Variants in BNC2 observed in about 807,000 individuals in gnomAD.
The protein encoded by BNC2 is zinc finger protein basonuclin-2.
BNC2 carries 20 observed loss-of-function variants against 76.3 expected under a neutral mutation model. That is an observed-to-expected ratio of 0.26 (90% CI 0.18 to 0.38). BNC2 has a LOEUF of 0.38. Among genes scored for constraint, BNC2 ranks in the 10% least tolerant of loss-of-function variants. BNC2 has a pLI of 1.00. For synonymous variants in BNC2, 582 were observed against 514.8 expected (o/e 1.13, Z -1.77); for missense variants, 1,382 against 1,399.8 (o/e 0.99, Z 0.20).
intron 3 of BNC2, among the ~76,000 whole-genome samples, chr9:16,639,371 C>G (rs1443887247): frequency 6.6e-6 from 1 of 152,132 alleles, no homozygotes; most frequent in Admixed American, 6.5e-5. Flanking sequence ...AGAAGAAAAG[C>G]TCAGTGTCTG....
Position 16,418,698 on chromosome 9 carries a change from A to T in BNC2, c.*291T>A. 2.3e-5 allele frequency: 7 copies of T among 300,124 alleles called. No homozygotes were observed. The highest frequency in any genetic ancestry group is 3.3e-5 in the African/African-American group (1 of 29,908). 18.6% of individuals were successfully genotyped at this position (300,124 alleles called of 1,614,324 possible). On this transcript the variant is annotated 3_prime_UTR_variant, in exon 7 of 7. Coordinates refer to ENST00000380672, the MANE Select transcript of BNC2 (RefSeq NM_017637.6). ...TGTGTGTGTGTGTGTGTGTATGTGC[A>T]TGTGTGTGTGTGTGTGTTTAAAGGG...
intron 3 of BNC2, among the ~76,000 whole-genome samples, chr9:16,676,006 AGT>A (rs1226139391): frequency 6.6e-6 from 1 of 152,180 alleles, no homozygotes; most frequent in African/African-American, 2.4e-5. Context: ...CAGAGATTGC[AGT>A]GAGCCAAGAT....
chr9:16,728,237 A>C (rs1824408385), intron 2 of BNC2: 3 of 577,190 alleles, frequency 5.2e-6, no homozygotes, highest in Non-Finnish European at 9.3e-6. Flanking sequence ...TGCAGGCGGC[A>C]CTGGAGACCC....
chr9:16,775,334 T>C (rs911741220), intron 1 of BNC2, among the ~76,000 whole-genome samples: 2 of 151,560 alleles, frequency 1.3e-5, no homozygotes, highest in African/African-American at 4.9e-5. Flanking sequence ...TATACAGAAG[T>C]AGCTGCTGGC....
intron 1 of BNC2, among the ~76,000 whole-genome samples, chr9:16,758,691 G>A (rs1825465360): frequency 6.6e-6 from 1 of 152,098 alleles, no homozygotes; most frequent in African/African-American, 2.4e-5. Context: ...TCATGCTTGG[G>A]TGGCCATTAT....
chr9:16,417,155 GA>G lies in BNC2; in HGVS notation c.*1833del, dbSNP rs138764300. 17,614 of 146,922 alleles carry G rather than the reference GA, an allele frequency of 0.12. 1,449 individuals are homozygous for G. Among genetic ancestry groups the G allele is most frequent in the African/African-American group, 0.24 (9,621 of 40,132 alleles). 9.1% of individuals were successfully genotyped at this position (146,922 alleles called of 1,614,324 possible). Reference sequence around the variant, plus strand: ...CTCCACTTAAAAAAAAAGGAAAAAAGAAAAAAAAAAGACAACAAAACAGTCT... The same window carrying G: ...CTCCACTTAAAAAAAAAGGAAAAAAGAAAAAAAAAGACAACAAAACAGTCT... On this transcript the variant is annotated 3_prime_UTR_variant, in exon 7 of 7. Coordinates refer to ENST00000380672, the MANE Select transcript of BNC2 (RefSeq NM_017637.6).
At chr9:16,431,995 C>G (rs1237892457) in intron 6 of BNC2, among the ~76,000 whole-genome samples, 2 of 152,182 alleles carry the variant, frequency 1.3e-5, no homozygotes, top group Non-Finnish European at 2.9e-5. Flanking sequence ...GTCTGCAGCC[C>G]CGGGGTTGGG....
chr9:16,754,189 C>T (rs1244803564), intron 1 of BNC2, among the ~76,000 whole-genome samples: 1 of 152,226 alleles, frequency 6.6e-6, no homozygotes, highest in Non-Finnish European at 1.5e-5. Context: ...TTGTCCAAGG[C>T]ATCACTGCCT....
intron 5 of BNC2, among the ~76,000 whole-genome samples, chr9:16,442,870 C>G (rs796890695): frequency 7.2e-5 from 11 of 152,040 alleles, no homozygotes; most frequent in African/African-American, 2.7e-4. Flanking sequence ...GTTTGGGAGG[C>G]AGAGGCAGGC....
chr9:16,470,723 G>A (rs1474075464), intron 5 of BNC2, among the ~76,000 whole-genome samples: 1 of 152,234 alleles, frequency 6.6e-6, no homozygotes, highest in African/African-American at 2.4e-5. Context: ...ATGCACAGAA[G>A]TCAAGAATCG....
At chr9:16,847,921 A>G (rs1299195467) in intron 1 of BNC2, among the ~76,000 whole-genome samples, 1 of 152,232 alleles carries the variant, frequency 6.6e-6, no homozygotes, top group Non-Finnish European at 1.5e-5. Context: ...ATAAATACAT[A>G]AAAAACAAAT....
chr9:16,860,046 AG>A (rs1586942794), intron 1 of BNC2, among the ~76,000 whole-genome samples: 1 of 150,832 alleles, frequency 6.6e-6, no homozygotes, highest in East Asian at 2.0e-4. Context: ...TGCTTGAACC[AG>A]GGAGGTGGAG....
chr9:16,714,264 A>T (rs1320860764), intron 3 of BNC2, among the ~76,000 whole-genome samples: 2 of 152,248 alleles, frequency 1.3e-5, no homozygotes, highest in Admixed American at 1.3e-4. Flanking sequence ...TAGCAAACAC[A>T]AAGCACAAAT....
chr9:16,659,822 T>A (rs1822056560), intron 3 of BNC2, among the ~76,000 whole-genome samples: 1 of 152,112 alleles, frequency 6.6e-6, no homozygotes, highest in East Asian at 1.9e-4. Context: ...CCCATCCCCT[T>A]ATTCTCTGCT....
chr9:16,646,928 T>C (rs1466646542), intron 3 of BNC2, among the ~76,000 whole-genome samples: 4 of 152,182 alleles, frequency 2.6e-5, no homozygotes, highest in Non-Finnish European at 4.4e-5. Flanking sequence ...GTTCCCCATA[T>C]GAAGTATCAC....
At chr9:16,842,958 G>A (rs749968305) in intron 1 of BNC2, among the ~76,000 whole-genome samples, 19 of 152,042 alleles carry the variant, frequency 1.2e-4, no homozygotes, top group Admixed American at 5.2e-4. Context: ...CGCCATGTTG[G>A]CCAGGCTGGA....
At chr9:16,678,759 C>T (rs1026212134) in intron 3 of BNC2, among the ~76,000 whole-genome samples, 1 of 151,770 alleles carries the variant, frequency 6.6e-6, no homozygotes, top group Non-Finnish European at 1.5e-5. Context: ...ACTTTGGAAC[C>T]TACACACCAT....
At chr9:16,469,755 G>A (rs1214006527) in intron 5 of BNC2, among the ~76,000 whole-genome samples, 2 of 152,182 alleles carry the variant, frequency 1.3e-5, no homozygotes, top group African/African-American at 4.8e-5. Flanking sequence ...CCAAAATGCT[G>A]ATAGCAATAT....
intron 5 of BNC2, among the ~76,000 whole-genome samples, chr9:16,516,541 A>C (rs1817446125): frequency 6.6e-6 from 1 of 152,130 alleles, no homozygotes; most frequent in East Asian, 1.9e-4. Context: ...CCCCCCCAAT[A>C]CAGGGTGAGA....
Sources: gnomAD v4.1 joint callset for allele counts (sites outside exome capture counted in the v4.1 genomes callset) on GRCh38, gnomAD v4.1.1 for gene constraint, MANE v1.5 for transcripts, NCBI Gene and HGNC (gene_info 2026-07-23, HGNC 2026-07-21) for gene names.